The following FBXL13 variants were observed in gnomAD, a reference collection of about 807,000 sequenced individuals.
FBXL13 encodes F-box and leucine rich repeat protein 13, also known as F-box and leucine-rich repeat protein 13.
FBXL13 carries 67 observed loss-of-function variants against 83.6 expected under a neutral mutation model. The ratio of observed to expected loss-of-function variants is 0.80; its 90% CI spans 0.66 to 0.98. The LOEUF is 0.98. Among genes scored for constraint, FBXL13 ranks in the 50% least tolerant of loss-of-function variants. The pLI, the probability that FBXL13 is intolerant of heterozygous loss-of-function variation, is 0.00. For missense variants in FBXL13, 822 were observed against 866.5 expected (o/e 0.95, Z 0.64); for synonymous variants, 272 against 299.5 (o/e 0.91, Z 0.95).
chr7:102,993,773 A>G (rs958338395), intron 6 of FBXL13, among the ~76,000 whole-genome samples: 5 of 152,222 alleles, frequency 3.3e-5, no homozygotes, highest in Admixed American at 1.3e-4. Flanking sequence ...GCAAAACAGA[A>G]CCTGACTTGT....
intron 8 of FBXL13, among the ~76,000 whole-genome samples, chr7:102,963,121 C>T (rs1262755540): frequency 1.3e-5 from 2 of 151,020 alleles, no homozygotes; most frequent in Non-Finnish European, 3.0e-5. Flanking sequence ...GAGTTTGAGA[C>T]CAGCCTGGCC....
intron 18 of FBXL13, 175 bp from the exon 20 acceptor site, chr7:102,822,378 G>T: frequency 1.4e-6 from 1 of 718,260 alleles, no homozygotes; most frequent in Non-Finnish European, 2.5e-6. Flanking sequence ...TAAAGATAGA[G>T]GTACCTGCAA....
In FBXL13 at chr7:103,014,027, A is replaced by G. The variant is rs1791960227; in HGVS notation, c.495+11036T>C. On this transcript the variant is annotated intron_variant, in intron 6 of 19. Transcript: ENST00000313221. ...GAACACTTCTATACACACAAGTTAG[A>G]AAACCTAAAAGAAATGGATAAATTC... is the stretch of plus-strand genomic sequence containing the variant. 2.6e-5 allele frequency among the ~76,000 whole-genome samples: 4 copies of G among 152,232 alleles called. No homozygotes were observed. In the South Asian group the frequency reaches 8.3e-4, roughly 32 times the overall value.
chr7:103,060,031 T>C (rs1179452023), intron 1 of FBXL13, among the ~76,000 whole-genome samples: 1 of 87,324 alleles, frequency 1.1e-5, no homozygotes, highest in Admixed American at 9.9e-5. Flanking sequence ...TATATATATA[T>C]ATATATATAT....
intron 2 of FBXL13, among the ~76,000 whole-genome samples, chr7:103,051,605 CATCTGAT>C (rs1796822406): frequency 6.6e-6 from 1 of 152,146 alleles, no homozygotes; most frequent in Non-Finnish European, 1.5e-5. Flanking sequence ...TTTCTGACAC[CATCTGAT>C]AAAAGAAAAA....
intron 6 of FBXL13, among the ~76,000 whole-genome samples, chr7:103,022,695 A>G (rs1793353054): frequency 6.6e-6 from 1 of 152,208 alleles, no homozygotes; most frequent in African/African-American, 2.4e-5. Context: ...CAAGACTTAA[A>G]TGTAAAACTT....
intron 2 of FBXL13, among the ~76,000 whole-genome samples, chr7:103,036,606 G>A (rs1041644904): frequency 5.3e-5 from 8 of 152,030 alleles, no homozygotes; most frequent in African/African-American, 1.2e-4. Flanking sequence ...TCCACTCCCC[G>A]GTTCAAGTGA....
intron 8 of FBXL13, among the ~76,000 whole-genome samples, chr7:102,958,771 G>A (rs1824712238): frequency 6.6e-6 from 1 of 151,866 alleles, no homozygotes; most frequent in African/African-American, 2.4e-5. Context: ...AGCAAGAATG[G>A]CCTTGGTGGA....
rs147686569 is a variant in FBXL13, at chr7:102,881,602, C to T, written c.1388+1703G>A. On this transcript the variant is annotated intron_variant, in intron 14 of 19. Transcript: ENST00000313221. ...GGGGGGGTGGGTGTCTCACTGTTAT[C>T]ATTACTATGTAACAAATTGATCCAA... 3.7e-3 allele frequency among the ~76,000 whole-genome samples: 564 copies of T among 151,540 alleles called. 5 individuals carry two copies. Among genetic ancestry groups the T allele is most frequent in the African/African-American group, 0.013 (554 of 41,102 alleles).
intron 14 of FBXL13, among the ~76,000 whole-genome samples, chr7:102,879,439 A>ATGTGTATG (rs1554433895): frequency 1.4e-5 from 2 of 144,698 alleles, no homozygotes; most frequent in African/African-American, 2.6e-5. Flanking sequence ...GCAGTTAAGG[A>ATGTGTATG]TGTGTGTGTG....
intron 4 of FBXL13, 67 bp downstream of exon 5, chr7:103,028,533 A>C (rs1283752180): frequency 8.6e-7 from 1 of 1,165,224 alleles, no homozygotes; most frequent in East Asian, 2.9e-5. Flanking sequence ...AGTATGCTTA[A>C]CTGTTAGTTT....
chr7:103,040,897 C>G (rs544639638), intron 2 of FBXL13, among the ~76,000 whole-genome samples: 1 of 151,808 alleles, frequency 6.6e-6, no homozygotes, highest in South Asian at 2.1e-4. Context: ...AAATCGACAC[C>G]CTAAAATCAC....
At chr7:102,897,521 A>T (rs1812403958) in intron 11 of FBXL13, among the ~76,000 whole-genome samples, 1 of 152,184 alleles carries the variant, frequency 6.6e-6, no homozygotes, top group South Asian at 2.1e-4. Context: ...ATAAAATTAA[A>T]CAAGAGAGGG....
chr7:103,014,718 T>A (rs1225628428), intron 6 of FBXL13, among the ~76,000 whole-genome samples: 1 of 151,662 alleles, frequency 6.6e-6, no homozygotes, highest in African/African-American at 2.4e-5. Flanking sequence ...GGTCAGGAGA[T>A]CGAGACCATC....
chr7:102,986,623 T>C (rs1011050756), intron 6 of FBXL13, among the ~76,000 whole-genome samples: 1 of 152,130 alleles, frequency 6.6e-6, no homozygotes, highest in Non-Finnish European at 1.5e-5. Context: ...TCTAAGACTC[T>C]TGCACAACCA....
intron 6 of FBXL13, among the ~76,000 whole-genome samples, chr7:102,994,025 C>T (rs540810139): frequency 6.6e-6 from 1 of 152,240 alleles, no homozygotes; most frequent in African/African-American, 2.4e-5. Context: ...CTTCTCAAGT[C>T]CCTGAGTTAG....
chr7:102,986,776 A>ATT (rs71110805), intron 6 of FBXL13, among the ~76,000 whole-genome samples: 60 of 151,710 alleles, frequency 4.0e-4, no homozygotes, highest in Admixed American at 1.4e-3. Context: ...ACTAGGGAGT[A>ATT]TTTTTTTTGT....
intron 1 of FBXL13, among the ~76,000 whole-genome samples, chr7:103,069,043 T>C (rs1054635088): frequency 2.9e-4 from 42 of 146,832 alleles, no homozygotes; most frequent in Non-Finnish European, 2.7e-4. Context: ...CGCCCCACCG[T>C]CTGGGAAGTG....
At chr7:103,011,882 T>C (rs1030696809) in intron 6 of FBXL13, among the ~76,000 whole-genome samples, 6 of 152,028 alleles carry the variant, frequency 3.9e-5, no homozygotes, top group Admixed American at 1.3e-4. Context: ...ACTGGCGTCC[T>C]TGAAAGAGAA....
Sources: allele counts gnomAD v4.1 joint callset (sites outside exome capture counted in the v4.1 genomes callset), GRCh38; gene constraint gnomAD v4.1.1; transcripts MANE v1.5; gene names NCBI Gene and HGNC (gene_info 2026-07-23, HGNC 2026-07-21).